The following BICC1 variants were observed in gnomAD, a reference collection of about 807,000 sequenced individuals.
BICC1 encodes BicC family RNA binding protein 1, also known as protein bicaudal C homolog 1.
A neutral mutation model predicts 111.0 loss-of-function variants in BICC1; 43 were observed. That is an observed-to-expected ratio of 0.39 (90% CI 0.30 to 0.50). The LOEUF (loss-of-function observed/expected upper bound fraction) is 0.50, where lower values mean the gene tolerates loss of function less well. Among genes scored for constraint, BICC1 ranks in the 20% least tolerant of loss-of-function variants. The pLI is 0.88. For missense variants in BICC1, 1,091 were observed against 1,203.2 expected (o/e 0.91, Z 1.38); for synonymous variants, 467 against 434.4 (o/e 1.07, Z -0.93).
At chr10:58,816,855 G>T (rs1407490657) in intron 18 of BICC1, among the ~76,000 whole-genome samples, 1 of 151,624 alleles carries the variant, frequency 6.6e-6, no homozygotes, top group African/African-American at 2.4e-5. Flanking sequence ...GGGTCTGAGA[G>T]CCACAGACAG....
rs1224920221 is a variant in BICC1, at chr10:58,632,505, A to AT, written c.237+11617dup. On this transcript the variant is annotated intron_variant, in intron 2 of 20. Transcript: ENST00000373886. ...TACAATGGAGGAAACGGAGGGAGTG[A>AT]TTTTTTTTTTTTTCCCCTATTCTGA... is the stretch of plus-strand genomic sequence containing the variant. 6.2e-3 allele frequency among the ~76,000 whole-genome samples: 911 copies of AT among 146,706 alleles called. 16 individuals carry two copies. The highest frequency in any genetic ancestry group is 0.019 in the African/African-American group (764 of 40,032).
At chr10:58,619,515 G>T (rs1452097639) in intron 1 of BICC1, among the ~76,000 whole-genome samples, 2 of 142,172 alleles carry the variant, frequency 1.4e-5, no homozygotes, top group South Asian at 4.4e-4. Context: ...TTACTCTGTC[G>T]CCAGGCTGGA....
At chr10:58,536,969 C>T (rs189931831) in intron 1 of BICC1, among the ~76,000 whole-genome samples, 9 of 151,684 alleles carry the variant, frequency 5.9e-5, no homozygotes, top group South Asian at 2.1e-4. Flanking sequence ...GATAAATTCC[C>T]GGAAACATAC....
At chr10:58,757,341 A>G (rs925284379) in intron 3 of BICC1, among the ~76,000 whole-genome samples, 1 of 152,186 alleles carries the variant, frequency 6.6e-6, no homozygotes, top group Admixed American at 6.5e-5. Context: ...CTATAGGACG[A>G]GTATTTGACG....
At chr10:58,611,705 G>T (rs1025894331) in intron 1 of BICC1, among the ~76,000 whole-genome samples, 1 of 151,726 alleles carries the variant, frequency 6.6e-6, no homozygotes, top group Non-Finnish European at 1.5e-5. Flanking sequence ...GCGTAGGCTG[G>T]TCTCAAACTC....
intron 1 of BICC1, among the ~76,000 whole-genome samples, chr10:58,570,708 G>A (rs1843921957): frequency 6.6e-6 from 1 of 152,164 alleles, no homozygotes; most frequent in Non-Finnish European, 1.5e-5. Context: ...CACAAATACA[G>A]TTTGGAAACT....
intron 3 of BICC1, among the ~76,000 whole-genome samples, chr10:58,708,139 T>G (rs942148157): frequency 1.4e-5 from 2 of 143,580 alleles, no homozygotes; most frequent in Non-Finnish European, 3.0e-5. Flanking sequence ...CCACCGCGCC[T>G]AGCCAGCCAA....
At chr10:58,804,324 T>C (rs984344246) in intron 15 of BICC1, among the ~76,000 whole-genome samples, 1 of 152,106 alleles carries the variant, frequency 6.6e-6, no homozygotes, top group Non-Finnish European at 1.5e-5. Flanking sequence ...GAGACCAGCC[T>C]GGACAACGTG....
chr10:58,673,464 T>G (rs765789332), intron 2 of BICC1, among the ~76,000 whole-genome samples: 22 of 152,188 alleles, frequency 1.4e-4, no homozygotes, highest in Non-Finnish European at 2.9e-4. Flanking sequence ...CACCAAATGC[T>G]TTAGCCTGTA....
At chr10:58,747,986 A>G (rs1464775983) in intron 3 of BICC1, among the ~76,000 whole-genome samples, 3 of 152,260 alleles carry the variant, frequency 2.0e-5, no homozygotes, top group African/African-American at 7.2e-5. Flanking sequence ...AAAGCCTAAA[A>G]TATTTACTAT....
chr10:58,764,281 G>C (rs1176123263), intron 3 of BICC1, among the ~76,000 whole-genome samples: 1 of 152,154 alleles, frequency 6.6e-6, no homozygotes, highest in African/African-American at 2.4e-5. Flanking sequence ...TGTTTCTTCA[G>C]AGGCCCATAA....
chr10:58,550,083 A>T (rs1843255490), intron 1 of BICC1, among the ~76,000 whole-genome samples: 1 of 152,020 alleles, frequency 6.6e-6, no homozygotes, highest in Admixed American at 6.6e-5. Context: ...TAGCATGATC[A>T]TGGCTCAAAG....
At chr10:58,567,700 CTG>C (rs1843813287) in intron 1 of BICC1, among the ~76,000 whole-genome samples, 1 of 152,030 alleles carries the variant, frequency 6.6e-6, no homozygotes, top group South Asian at 2.1e-4. Flanking sequence ...TAGACAGCCA[CTG>C]TCAGTTTAAA....
chr10:58,808,047 T>C (rs1401406491), intron 17 of BICC1, among the ~76,000 whole-genome samples: 3 of 151,348 alleles, frequency 2.0e-5, no homozygotes, highest in Non-Finnish European at 4.4e-5. Context: ...AATTAGGCTA[T>C]TGATGAAACA....
chr10:58,715,546 C>T, intron 3 of BICC1: 2 of 1,488,056 alleles, frequency 1.3e-6, no homozygotes, highest in Non-Finnish European at 1.9e-6. Context: ...TGTGCTCAGT[C>T]CAGCACCATG....
chr10:58,534,506 A>G (rs1325763613), intron 1 of BICC1, among the ~76,000 whole-genome samples: 1 of 151,894 alleles, frequency 6.6e-6, no homozygotes, highest in Non-Finnish European at 1.5e-5. Context: ...CACCACTGAA[A>G]GCACCTAGAG....
Position 58,781,189 on chromosome 10 carries a change from T to C in BICC1, c.308-3812T>C, listed in dbSNP as rs569420064. Among the ~76,000 whole-genome samples, 8 of 152,344 alleles carry C rather than the reference T, an allele frequency of 5.3e-5. No homozygotes were observed. The East Asian group carries it at 1.5e-3, about 29-fold the overall frequency. Reference sequence around the variant, plus strand: ...AGATGAATATCTGACAGTTTTTTTGTATTTTTAAAGAGGTGCTAAGATCAG... The same window carrying C: ...AGATGAATATCTGACAGTTTTTTTGCATTTTTAAAGAGGTGCTAAGATCAG... On this transcript the variant is annotated intron_variant, in intron 3 of 20. Transcript: ENST00000373886.
intron 3 of BICC1, among the ~76,000 whole-genome samples, chr10:58,722,636 G>A (rs991433792): frequency 1.3e-5 from 2 of 152,110 alleles, no homozygotes; most frequent in Non-Finnish European, 2.9e-5. Flanking sequence ...AGTTATCTCT[G>A]AGAGAGCACT....
intron 2 of BICC1, among the ~76,000 whole-genome samples, chr10:58,686,927 G>A (rs1038594514): frequency 3.3e-5 from 5 of 152,180 alleles, no homozygotes; most frequent in African/African-American, 1.2e-4. Flanking sequence ...GAGGAGGCGC[G>A]TTCTTTTTGG....
Sources: gnomAD v4.1 joint callset for allele counts (sites outside exome capture counted in the v4.1 genomes callset) on GRCh38, gnomAD v4.1.1 for gene constraint, MANE v1.5 for transcripts, NCBI Gene and HGNC (gene_info 2026-07-23, HGNC 2026-07-21) for gene names.